The following EGFLAM variants were observed in gnomAD, a reference collection of about 807,000 sequenced individuals.
EGFLAM encodes pikachurin.
In EGFLAM, 79 loss-of-function variants were observed where a neutral mutation model predicts 113.1. That is an observed-to-expected ratio of 0.70 (90% CI 0.58 to 0.84). The LOEUF (loss-of-function observed/expected upper bound fraction) is 0.84, where lower values mean the gene tolerates loss of function less well. EGFLAM is among the 40% of genes least tolerant of loss of function. EGFLAM has a pLI of 0.00. For missense variants in EGFLAM, 1,265 were observed against 1,291.6 expected (o/e 0.98, Z 0.32); for synonymous variants, 504 against 487.6 (o/e 1.03, Z -0.44).
intron 11 of EGFLAM, among the ~76,000 whole-genome samples, chr5:38,414,794 A>C (rs1741588699): frequency 6.6e-6 from 1 of 152,262 alleles, no homozygotes; most frequent in East Asian, 1.9e-4. Context: ...AGTCTTGGGA[A>C]AGAAAGATTT....
chr5:38,402,176 G>A (rs754601396), intron 6 of EGFLAM: 20 of 152,294 alleles, frequency 1.3e-4, no homozygotes, highest in African/African-American at 4.3e-4. Flanking sequence ...GCATTCAGGA[G>A]ACAACTGGCA....
At chr5:38,258,924 C>T (rs1425415399) in intron 1 of EGFLAM, 73 bp downstream of exon 1, 57 of 1,471,786 alleles carry the variant, frequency 3.9e-5, no homozygotes, top group Non-Finnish European at 5.0e-5. Flanking sequence ...GGACACAGAG[C>T]GGGCAGCGCA....
At chr5:38,262,982 A>C (rs1249372425) in intron 1 of EGFLAM, among the ~76,000 whole-genome samples, 1 of 151,958 alleles carries the variant, frequency 6.6e-6, no homozygotes, top group Non-Finnish European at 1.5e-5. Context: ...CCTCTACAAC[A>C]CTTGGTAGAG....
chr5:38,261,299 C>T (rs1757493714), intron 1 of EGFLAM, among the ~76,000 whole-genome samples: 1 of 152,216 alleles, frequency 6.6e-6, no homozygotes, highest in Non-Finnish European at 1.5e-5. Flanking sequence ...TTTGCCAAGA[C>T]TTACAAGAAA....
At chr5:38,291,962 G>A (rs957897195) in intron 1 of EGFLAM, among the ~76,000 whole-genome samples, 1 of 152,272 alleles carries the variant, frequency 6.6e-6, no homozygotes, top group East Asian at 1.9e-4. Flanking sequence ...AATGGCCCCA[G>A]CCTCGTCCAT....
chr5:38,298,668 T>G (rs2111818095), intron 1 of EGFLAM, among the ~76,000 whole-genome samples: 1 of 152,320 alleles, frequency 6.6e-6, no homozygotes, highest in South Asian at 2.1e-4. Flanking sequence ...GGAATGTTTA[T>G]TATATATTAA....
intron 4 of EGFLAM, 116 bp downstream of exon 4, chr5:38,350,734 T>A: frequency 1.0e-6 from 1 of 973,576 alleles, no homozygotes; most frequent in Non-Finnish European, 1.5e-6. Flanking sequence ...CTCTGGGAAT[T>A]CAGTAGAGAA....
chr5:38,308,172 A>G (rs1316597376), intron 1 of EGFLAM, among the ~76,000 whole-genome samples: 1 of 152,262 alleles, frequency 6.6e-6, no homozygotes, highest in African/African-American at 2.4e-5. Context: ...GCTAAATAAA[A>G]GACAAAAGGG....
intron 1 of EGFLAM, among the ~76,000 whole-genome samples, chr5:38,285,186 G>A (rs985059789): frequency 1.3e-5 from 2 of 152,148 alleles, no homozygotes; most frequent in African/African-American, 4.8e-5. Flanking sequence ...GGAGTTCTTG[G>A]TAATCCTTCA....
chr5:38,295,046 C>T (rs1334135840), intron 1 of EGFLAM, among the ~76,000 whole-genome samples: 1 of 152,120 alleles, frequency 6.6e-6, no homozygotes, highest in African/African-American at 2.4e-5. Flanking sequence ...AGGCTGGTCT[C>T]GAACTCCTGA....
intron 1 of EGFLAM, among the ~76,000 whole-genome samples, chr5:38,266,930 C>T (rs868173598): frequency 6.6e-6 from 1 of 152,254 alleles, no homozygotes; most frequent in Middle Eastern, 3.4e-3. Context: ...GAAAAATAGA[C>T]CGGGCTCACT....
At chr5:38,409,618 G>T (rs115471613) in intron 10 of EGFLAM, among the ~76,000 whole-genome samples, 1 of 152,336 alleles carries the variant, frequency 6.6e-6, no homozygotes, top group African/African-American at 2.4e-5. Context: ...GTGAGCCAAA[G>T]GAATACAGTT....
intron 1 of EGFLAM, among the ~76,000 whole-genome samples, chr5:38,307,999 T>C (rs1419906905): frequency 6.6e-6 from 1 of 152,206 alleles, no homozygotes; most frequent in Non-Finnish European, 1.5e-5. Flanking sequence ...CTTTCCAGCT[T>C]CTGGGGAAGG....
chr5:38,414,748 A>G (rs1333135220), intron 11 of EGFLAM, among the ~76,000 whole-genome samples: 1 of 152,234 alleles, frequency 6.6e-6, no homozygotes, highest in African/African-American at 2.4e-5. Flanking sequence ...AGATGAAGGC[A>G]TGCAAGGTGG....
intron 4 of EGFLAM, 107 bp from the exon 5 acceptor site, chr5:38,352,089 A>T: frequency 1.3e-6 from 2 of 1,506,286 alleles, no homozygotes; most frequent in East Asian, 4.6e-5. Context: ...CTGTTTATGT[A>T]TTATATTAAA....
At chr5:38,277,465 G>T (rs1379420951) in intron 1 of EGFLAM, among the ~76,000 whole-genome samples, 1 of 132,824 alleles carries the variant, frequency 7.5e-6, no homozygotes, top group Non-Finnish European at 1.7e-5. Flanking sequence ...CACTGAACAA[G>T]GAAAAGTTGA....
Position 38,352,959 on chromosome 5 carries a change from C to T in EGFLAM, c.545+628C>T, listed in dbSNP as rs182380344. Among the ~76,000 whole-genome samples the T allele has an allele frequency of 3.5e-4, 53 of 152,290 alleles. No homozygotes were observed. The Middle Eastern group carries it at 0.01, about 29-fold the overall frequency. ...CATTTCAAGCATGAGCCTTGCCCTC[C>T]TGGCTTTGAAATATTATATATGAAA... On this transcript the variant is annotated intron_variant, in intron 5 of 21. Transcript: ENST00000322350.
chr5:38,333,990 C>T (rs1012923923), intron 1 of EGFLAM, among the ~76,000 whole-genome samples: 12 of 118,504 alleles, frequency 1.0e-4, no homozygotes, highest in African/African-American at 4.0e-4. Context: ...GTGGTGAGAT[C>T]TCATCTCATT....
intron 19 of EGFLAM, among the ~76,000 whole-genome samples, chr5:38,453,308 G>C (rs1203208305): frequency 1.3e-5 from 2 of 152,182 alleles, no homozygotes; most frequent in Admixed American, 1.3e-4. Flanking sequence ...TAATTGAATT[G>C]AAATAGACAA....
Sources: gnomAD v4.1 joint callset for allele counts (sites outside exome capture counted in the v4.1 genomes callset) on GRCh38, gnomAD v4.1.1 for gene constraint, MANE v1.5 for transcripts, NCBI Gene and HGNC (gene_info 2026-07-23, HGNC 2026-07-21) for gene names.